Variants in AUTS2 observed in about 807,000 individuals in gnomAD.
AUTS2 encodes autism susceptibility gene 2 protein.
A neutral mutation model predicts 112.4 loss-of-function variants in AUTS2; 17 were observed. The observed-to-expected ratio is 0.15, with a 90% CI of 0.10 to 0.23. The LOEUF is 0.23. Ranked by LOEUF, AUTS2 falls within the 10% of genes least tolerant of loss-of-function variation. The pLI is 1.00. For synonymous variants in AUTS2, 751 were observed against 702.7 expected (o/e 1.07, Z -1.09); for missense variants, 1,510 against 1,701.6 (o/e 0.89, Z 1.98).
At chr7:70,665,508 A>G (rs1280243697) in intron 5 of AUTS2, among the ~76,000 whole-genome samples, 28 of 150,338 alleles carry the variant, frequency 1.9e-4, no homozygotes, top group Admixed American at 1.8e-3. Flanking sequence ...CACTGTGTTG[A>G]TCAGCCTTGT....
At chr7:70,756,964 C>T (rs73704803) in intron 6 of AUTS2, among the ~76,000 whole-genome samples, 262 of 152,264 alleles carry the variant, frequency 1.7e-3, no homozygotes, top group African/African-American at 6.1e-3. Context: ...GGGGTTGCTG[C>T]GCACGTTGCA....
intron 5 of AUTS2, among the ~76,000 whole-genome samples, chr7:70,615,182 G>T (rs1804291781): frequency 6.6e-6 from 1 of 152,212 alleles, no homozygotes; most frequent in Admixed American, 6.5e-5. Context: ...GTCTTCTGTA[G>T]TTGGAAAGGA....
intron 2 of AUTS2, among the ~76,000 whole-genome samples, chr7:69,972,502 T>C (rs1450006217): frequency 6.6e-6 from 1 of 152,196 alleles, no homozygotes; most frequent in Admixed American, 6.5e-5. Flanking sequence ...CTTGCTTTTA[T>C]TGTCAAGTCT....
chr7:70,013,611 A>G (rs959623969), intron 2 of AUTS2, among the ~76,000 whole-genome samples: 2 of 152,188 alleles, frequency 1.3e-5, no homozygotes, highest in African/African-American at 4.8e-5. Context: ...GGAGTTTTTA[A>G]TATCTTAGCT....
chr7:70,633,610 C>CAAAA (rs71870928), intron 5 of AUTS2, among the ~76,000 whole-genome samples: 17 of 104,818 alleles, frequency 1.6e-4, no homozygotes, highest in African/African-American at 3.0e-4. Flanking sequence ...GACTCCGTCT[C>CAAAA]AAAAAAAAAA....
chr7:69,683,477 CCTCT>C (rs1327267916), intron 1 of AUTS2, among the ~76,000 whole-genome samples: 10 of 152,230 alleles, frequency 6.6e-5, no homozygotes, highest in African/African-American at 1.4e-4. Flanking sequence ...ACTCTTTTAC[CCTCT>C]CTATCTGCTT....
intron 5 of AUTS2, among the ~76,000 whole-genome samples, chr7:70,458,094 A>G (rs1402403186): frequency 6.6e-6 from 1 of 152,080 alleles, no homozygotes; most frequent in Non-Finnish European, 1.5e-5. Flanking sequence ...TTGAGCCCAC[A>G]TTCTTCCAGA....
At chr7:69,616,671 A>G (rs2129086029) in intron 1 of AUTS2, among the ~76,000 whole-genome samples, 1 of 152,294 alleles carries the variant, frequency 6.6e-6, no homozygotes, top group Non-Finnish European at 1.5e-5. Context: ...CATCAAATTT[A>G]ATATTTCTTC....
At chr7:69,997,581 C>T (rs915387957) in intron 2 of AUTS2, among the ~76,000 whole-genome samples, 3 of 152,150 alleles carry the variant, frequency 2.0e-5, no homozygotes, top group South Asian at 2.1e-4. Context: ...CTTGCCTTCT[C>T]GTGAAGGCCT....
intron 2 of AUTS2, among the ~76,000 whole-genome samples, chr7:69,909,091 G>A (rs1041575363): frequency 3.9e-5 from 6 of 152,152 alleles, no homozygotes; most frequent in African/African-American, 1.4e-4. Context: ...AATATTGTTA[G>A]CAAAACTTGG....
chr7:70,760,196 A>AGG (rs1200836978), intron 6 of AUTS2, among the ~76,000 whole-genome samples: 1 of 152,120 alleles, frequency 6.6e-6, no homozygotes, highest in Admixed American at 6.5e-5. Context: ...TAGTAGAGGC[A>AGG]GGGTTTCACC....
intron 13 of AUTS2, chr7:70,776,721 G>A (rs1232545608): frequency 6.2e-6 from 2 of 322,526 alleles, no homozygotes; most frequent in African/African-American, 4.4e-5. Context: ...CTGAACAGCT[G>A]ATTTGCATTA....
intron 2 of AUTS2, among the ~76,000 whole-genome samples, chr7:69,953,798 G>A (rs1797115728): frequency 6.6e-6 from 1 of 152,158 alleles, no homozygotes; most frequent in Admixed American, 6.5e-5. Context: ...CTGAGGAAGA[G>A]GTCTGAAGGT....
intron 5 of AUTS2, among the ~76,000 whole-genome samples, chr7:70,684,958 A>C (rs1480800032): frequency 6.6e-6 from 1 of 152,324 alleles, no homozygotes; most frequent in East Asian, 1.9e-4. Flanking sequence ...GCTGAATCTT[A>C]GAACCAGTAA....
intron 15 of AUTS2, chr7:70,783,839 G>A (rs1057115232): frequency 2.6e-5 from 4 of 152,014 alleles, no homozygotes; most frequent in African/African-American, 9.7e-5. Context: ...AGCCTCCTTA[G>A]CTAGTAAGTA....
chr7:69,643,462 T>G (rs927270363), intron 1 of AUTS2: 4 of 152,172 alleles, frequency 2.6e-5, no homozygotes, highest in Non-Finnish European at 4.4e-5. Flanking sequence ...TGTGAATAAG[T>G]ATCTCACTTC....
chr7:70,413,665 C>CTTGTT (rs10672712), intron 4 of AUTS2, among the ~76,000 whole-genome samples: 34,368 of 150,942 alleles, frequency 0.23, 4,036 homozygotes, highest in Non-Finnish European at 0.23. Flanking sequence ...AATTTCTTTT[C>CTTGTT]TTGTTTTGTT....
chr7:70,278,167 G>T (rs1385850804), intron 4 of AUTS2, among the ~76,000 whole-genome samples: 6 of 152,122 alleles, frequency 3.9e-5, no homozygotes, highest in Non-Finnish European at 8.8e-5. Context: ...AAGAATACGA[G>T]ATTGCTATAT....
At chr7:70,783,352 A>C (rs752409090) in intron 15 of AUTS2, 1 of 152,148 alleles carries the variant, frequency 6.6e-6, no homozygotes, top group African/African-American at 2.4e-5. Flanking sequence ...CCAATTCCGA[A>C]CTACTGTGAC....
Sources: allele counts gnomAD v4.1 joint callset (sites outside exome capture counted in the v4.1 genomes callset), GRCh38; gene constraint gnomAD v4.1.1; transcripts MANE v1.5; gene names NCBI Gene and HGNC (gene_info 2026-07-23, HGNC 2026-07-21).